The following BAG2 variants were observed in gnomAD, a reference collection of about 807,000 sequenced individuals.
BAG2 encodes BAG family molecular chaperone regulator 2.
A neutral mutation model predicts 16.4 loss-of-function variants in BAG2; 8 were observed. The observed-to-expected ratio is 0.49, with a 90% confidence interval of 0.29 to 0.88. BAG2 has a LOEUF of 0.88. Among genes scored for constraint, BAG2 ranks in the 40% least tolerant of loss-of-function variants. The probability of loss-of-function intolerance (pLI) is 0.09; values close to 1 mark genes in which losing one functional copy is unlikely to be tolerated. For synonymous variants in BAG2, 82 were observed against 89.2 expected (o/e 0.92, Z 0.46); for missense variants, 218 against 248.9 (o/e 0.88, Z 0.84).
chr6:57,173,529 T>C, intron 1 of BAG2: 1 of 970,022 alleles, frequency 1.0e-6, no homozygotes, highest in Admixed American at 6.2e-5. Context: ...CATGAAAAGA[T>C]AGTTTTCCCC....
In BAG2 at chr6:57,184,437, C is replaced by A; in HGVS notation, c.*247C>A. 1 of 297,476 alleles carries A rather than the reference C, an allele frequency of 3.4e-6. No individual in the cohort carries two copies. The highest frequency in any genetic ancestry group is 6.1e-6 in the Non-Finnish European group (1 of 163,926). 18.4% of individuals were successfully genotyped at this position (297,476 alleles called of 1,614,324 possible). On this transcript the variant is annotated 3_prime_UTR_variant, in exon 3 of 3. Transcript: ENST00000370693. ...TTGTACTAGGATCTAGCATATTTCA[C>A]TATTCTGTGGATGAATACATAGTTT...
intron 1 of BAG2, among the ~76,000 whole-genome samples, chr6:57,175,648 G>A (rs1034942570): frequency 4.6e-5 from 7 of 152,162 alleles, no homozygotes; most frequent in African/African-American, 1.7e-4. Context: ...TGTCATTCAT[G>A]CTTATATAAA....
At position 57,173,176 on chromosome 6, in the gene BAG2, C is replaced by A. The variant is rs566735965; in HGVS notation, c.113+366C>A. The A allele has an allele frequency of 4.0e-6, 4 of 1,002,786 alleles. No homozygotes were observed. The African/African-American group carries it at 5.2e-5, about 13-fold the overall frequency. 62.1% of individuals were successfully genotyped at this position (1,002,786 alleles called of 1,614,324 possible). A position where few individuals can be genotyped will look rare whatever the true frequency, so the allele number is the denominator to read the frequency against. On this transcript the variant is annotated intron_variant, in intron 1 of 2. Coordinates refer to ENST00000370693, the MANE Select transcript of BAG2 (RefSeq NM_004282.4). ...GTGGCAGCTTGGGTCTGCAGAACTT[C>A]TAGAACCTTCTGTGTGGCCCCAAAC...
rs1187803498 is a variant in BAG2, at chr6:57,187,630, T to C, written c.*3440T>C. On this transcript the variant is annotated 3_prime_UTR_variant, in exon 3 of 3. Transcript: ENST00000370693. ...TATGCTAATAATTAACAATATCTTA[T>C]ATTAAAAGGGTCCAACACTAAGTTG... The C allele has an allele frequency of 1.3e-5, 2 of 152,180 alleles. No individual in the cohort carries two copies. Among genetic ancestry groups the C allele is most frequent in the Non-Finnish European group, 2.9e-5 (2 of 68,012 alleles). The allele number at this position is 152,180 out of a possible 1,614,324, so 9.4% of individuals were successfully genotyped here. A position where few individuals can be genotyped will look rare whatever the true frequency, so the allele number is the denominator to read the frequency against.
chr6:57,174,140 G>C, intron 1 of BAG2: 2 of 1,005,130 alleles, frequency 2.0e-6, no homozygotes, highest in Non-Finnish European at 2.5e-6. Flanking sequence ...AAAGTAGAGC[G>C]AAAGTAGAAA....
intron 1 of BAG2, 111 bp downstream of exon 1, chr6:57,172,921 G>A (rs912359613): frequency 1.0e-6 from 1 of 980,108 alleles, no homozygotes. Context: ...GCACAGTGAG[G>A]CTGCGGCAAC....
Position 57,182,115 on chromosome 6 carries a change from G to C in BAG2, c.197G>C (p.Ser66Thr). 6.2e-7 allele frequency: 1 copy of C among 1,614,098 alleles called. No homozygotes were observed. The highest frequency in any genetic ancestry group is 8.5e-7 in the Non-Finnish European group (1 of 1,180,006). Residue 66 changes from serine (S) to threonine (T), a missense_variant, in exon 2 of 3, where the codon AGC becomes ACC. This residue lies in a region of BAG2 where 30 missense variants were observed against 57.8 expected (regional missense o/e 0.52). Transcript: ENST00000370693. ...GAAATGATCCACAGTATCCAAAATA[G>C]CCAGGACATGAGGCAGATCAGTGAC... ...LLEMIHSIQN[S>T]QDMRQISDGE...
rs1160057086 is a variant in BAG2, at chr6:57,172,485, C to T, written c.-213C>T. ...AGCCGCTGCAGCCCCCTCCCAGGCC[C>T]GGCGTCCCCGAGCCCCGCGGGCGCC... On this transcript the variant is annotated 5_prime_UTR_variant, in exon 1 of 3. Transcript: ENST00000370693. 2.5e-6 allele frequency: 1 copy of T among 399,010 alleles called. No homozygotes were observed. The allele number at this position is 399,010 out of a possible 1,614,324, so 24.7% of individuals were successfully genotyped here.
chr6:57,186,749 A>ACTAAGAG lies in BAG2; in HGVS notation c.*2559_*2560insCTAAGAG, dbSNP rs1216003508. ...TGTCTTTTATATAGACTATAAGTGG[A>ACTAAGAG]TATAGAGTATGTTTTGCTGTATCTC... On this transcript the variant is annotated 3_prime_UTR_variant, in exon 3 of 3. Coordinates refer to ENST00000370693, the MANE Select transcript of BAG2 (RefSeq NM_004282.4). 8.5e-5 allele frequency: 13 copies of ACTAAGAG among 152,230 alleles called. No homozygotes were observed. Among genetic ancestry groups the ACTAAGAG allele is most frequent in the African/African-American group, 2.9e-4 (12 of 41,446 alleles). 9.4% of individuals were successfully genotyped at this position (152,230 alleles called of 1,614,324 possible).
intron 1 of BAG2, 34 bp from the exon 2 acceptor site, chr6:57,181,998 T>A (rs954425714): frequency 1.3e-6 from 2 of 1,576,628 alleles, no homozygotes; most frequent in African/African-American, 2.7e-5. Context: ...ACATCCTGCA[T>A]ACAATAACCG....
At position 57,172,818 on chromosome 6, in the gene BAG2, C is replaced by CCGGG; in HGVS notation, c.113+16_113+19dup. The CCGGG allele has an allele frequency of 6.6e-7, 1 of 1,511,136 alleles. No homozygotes were observed. The highest frequency in any genetic ancestry group is 8.9e-7 in the Non-Finnish European group (1 of 1,128,110). 93.6% of individuals were successfully genotyped at this position (1,511,136 alleles called of 1,614,324 possible). A position where few individuals can be genotyped will look rare whatever the true frequency, so the allele number is the denominator to read the frequency against. On this transcript the variant is annotated intron_variant, in intron 1 of 2. Transcript: ENST00000370693. ...GGACCAGCTGGAGCTCAGGTGAGCT[C>CCGGG]CGGGCGGGCGGTCTCGGGCGTTCTG...
chr6:57,184,197 A>C lies in BAG2; in HGVS notation c.*7A>C. The C allele has an allele frequency of 7.8e-6, 12 of 1,530,840 alleles. No individual in the cohort carries two copies. The highest frequency in any genetic ancestry group is 9.6e-6 in the Non-Finnish European group (11 of 1,148,364). The allele number at this position is 1,530,840 out of a possible 1,614,324, so 94.8% of individuals were successfully genotyped here. On this transcript the variant is annotated 3_prime_UTR_variant, in exon 3 of 3. Coordinates refer to ENST00000370693, the MANE Select transcript of BAG2 (RefSeq NM_004282.4). ...TGAAAGCAGATTCAATTAGTCTTCA[A>C]ACCTAAGAGCATTTACACAATACAC...
At chr6:57,178,694 T>C (rs1265420238) in intron 1 of BAG2, among the ~76,000 whole-genome samples, 3 of 152,068 alleles carry the variant, frequency 2.0e-5, no homozygotes, top group African/African-American at 7.2e-5. Flanking sequence ...TAAAAATGTA[T>C]ATAAGAAGTT....
chr6:57,172,849 C>T (rs751008834), intron 1 of BAG2, 39 bp downstream of exon 1: 2 of 1,418,544 alleles, frequency 1.4e-6, no homozygotes, highest in Admixed American at 3.0e-5. Context: ...TTCTGCTCGC[C>T]GCGCGGGCGG....
chr6:57,180,173 G>A (rs142301145), intron 1 of BAG2, among the ~76,000 whole-genome samples: 40 of 152,188 alleles, frequency 2.6e-4, no homozygotes, highest in African/African-American at 8.7e-4. Context: ...CACAATAGCA[G>A]CAATATCCAC....
rs1384509009 is a variant in BAG2, at chr6:57,185,164, T to TA, written c.*975dup. ...TATTAAACTTTTTTTGTATAAAGGT[T>TA]ACAGCAATTTATACTTTTTTCAGTA... On this transcript the variant is annotated 3_prime_UTR_variant, in exon 3 of 3. Transcript: ENST00000370693. 1 of 152,230 alleles carries TA rather than the reference T, an allele frequency of 6.6e-6. No individual in the cohort carries two copies. The highest frequency in any genetic ancestry group is 1.5e-5 in the Non-Finnish European group (1 of 68,038). The allele number at this position is 152,230 out of a possible 1,614,324, so 9.4% of individuals were successfully genotyped here.
At position 57,172,570 on chromosome 6, in the gene BAG2, C is replaced by A; in HGVS notation, c.-128C>A. The stretch of plus-strand genomic sequence containing the variant: ...GTGTCGGCGAGTCCTCCCGGGTTGC[C>A]CCCGCGGGCGTCAGAGGGAGGGCGG... On this transcript the variant is annotated 5_prime_UTR_variant, in exon 1 of 3. Transcript: ENST00000370693. 1 of 735,724 alleles carries A rather than the reference C, an allele frequency of 1.4e-6. No homozygotes were observed. The highest frequency in any genetic ancestry group is 2.0e-6 in the Non-Finnish European group (1 of 496,512). 45.6% of individuals were successfully genotyped at this position (735,724 alleles called of 1,614,324 possible). A position where few individuals can be genotyped will look rare whatever the true frequency, so the allele number is the denominator to read the frequency against.
Position 57,188,577 on chromosome 6 carries a change from G to GGAGAGTAGAGAGTAGAAAATTGAA in BAG2, c.*4397_*4420dup, listed in dbSNP as rs1554307996. 2 of 152,006 alleles carry GGAGAGTAGAGAGTAGAAAATTGAA rather than the reference G, an allele frequency of 1.3e-5. No homozygotes were observed. Among genetic ancestry groups the GGAGAGTAGAGAGTAGAAAATTGAA allele is most frequent in the East Asian group, 3.9e-4 (2 of 5,192 alleles). 9.4% of individuals were successfully genotyped at this position (152,006 alleles called of 1,614,324 possible). A position where few individuals can be genotyped will look rare whatever the true frequency, so the allele number is the denominator to read the frequency against. On this transcript the variant is annotated 3_prime_UTR_variant, in exon 3 of 3. Transcript: ENST00000370693. Reference sequence around the variant, plus strand: ...TATTATTTTGTGCAAAAATTAAAGAGGAGAGTAGAGAGTAGAAAATTGAAG... The same window carrying GGAGAGTAGAGAGTAGAAAATTGAA: ...TATTATTTTGTGCAAAAATTAAAGAGGAGAGTAGAGAGTAGAAAATTGAAGAGAGTAGAGAGTAGAAAATTGAAG...
At chr6:57,174,488 G>A (rs2127991946) in intron 1 of BAG2, 1 of 1,015,154 alleles carries the variant, frequency 9.9e-7, no homozygotes, top group East Asian at 6.1e-5. Flanking sequence ...AATGTAAAAT[G>A]AATTCTGATT....
Sources: allele counts gnomAD v4.1 joint callset (sites outside exome capture counted in the v4.1 genomes callset), GRCh38; gene constraint gnomAD v4.1.1; regional missense constraint gnomAD v4.1.1; transcripts MANE v1.5; gene names NCBI Gene and HGNC (gene_info 2026-07-23, HGNC 2026-07-21).